Variants in RAB27A observed in about 807,000 individuals in gnomAD.
RAB27A encodes ras-related protein Rab-27A.
In RAB27A, 17 loss-of-function variants were observed where a neutral mutation model predicts 20.8. That is an observed-to-expected ratio of 0.82 (90% confidence interval 0.56 to 1.23). RAB27A has a LOEUF of 1.23. Among genes scored for constraint, RAB27A ranks in the 50% most tolerant of loss-of-function variants. RAB27A has a pLI of 0.00. For missense variants in RAB27A, 277 were observed against 266.7 expected (o/e 1.04, Z -0.27); for synonymous variants, 85 against 92.8 (o/e 0.92, Z 0.48).
At chr15:55,206,340 T>C (rs1023185289) in intron 6 of RAB27A, 1 of 758,494 alleles carries the variant, frequency 1.3e-6, no homozygotes, top group Non-Finnish European at 1.6e-6. Context: ...TAAATCTTTT[T>C]TCGTTTAAGT....
intron 5 of RAB27A, among the ~76,000 whole-genome samples, chr15:55,227,191 T>C (rs982945436): frequency 6.6e-5 from 10 of 152,378 alleles, no homozygotes; most frequent in Middle Eastern, 3.4e-3. Flanking sequence ...TTTTGTTCTT[T>C]ATCCAACTAG....
chr15:55,235,798 A>G (rs1232931440), intron 2 of RAB27A, among the ~76,000 whole-genome samples: 1 of 152,020 alleles, frequency 6.6e-6, no homozygotes, highest in African/African-American at 2.4e-5. Context: ...TTATCTGTAT[A>G]TATATACACA....
chr15:55,296,922 C>T (rs983941719), intron 2 of RAB27A, among the ~76,000 whole-genome samples: 8 of 151,820 alleles, frequency 5.3e-5, no homozygotes, highest in South Asian at 2.1e-4. Context: ...AGGGTTGGGC[C>T]CATATCCCAG....
rs576434402 is a variant in RAB27A at position 55,253,645 on chromosome 15, C to A, written c.-23+16520G>T. Among the ~76,000 whole-genome samples, 7 of 151,990 alleles carry A rather than the reference C, an allele frequency of 4.6e-5. No individual in the cohort carries two copies. In the East Asian group the frequency reaches 1.4e-3, roughly 29 times the overall value. ...ACAAAGCTCCTATTTTCTTAACATG[C>A]CTCTGAGAAAGATATTTGAAGCCTA... On this transcript the variant is annotated intron_variant, in intron 2 of 6. Coordinates refer to ENST00000336787, the MANE Select transcript of RAB27A (RefSeq NM_183235.3).
rs529817118 is a variant in RAB27A at position 55,315,842 on chromosome 15, T to C, written c.-233-1682A>G. 4.6e-5 allele frequency among the ~76,000 whole-genome samples: 7 copies of C among 152,310 alleles called. No homozygotes were observed. In the South Asian group the frequency reaches 1.4e-3, roughly 32 times the overall value. ...TAGTTCAACCATTGTGAAGACAGTGTGGCAATTCCTCAAGGATCTACAACC... is the reference window on the plus strand; with the variant it reads ...TAGTTCAACCATTGTGAAGACAGTGCGGCAATTCCTCAAGGATCTACAACC... On this transcript the variant is annotated intron_variant, in intron 1 of 5. Coordinates refer to the RAB27A transcript ENST00000563262.
chr15:55,299,877 A>G (rs1012377532), intron 2 of RAB27A, among the ~76,000 whole-genome samples: 23 of 150,616 alleles, frequency 1.5e-4, no homozygotes, highest in African/African-American at 4.9e-4. Context: ...CTGGAGTGCA[A>G]TGGCGCGATC....
chr15:55,232,952 C>G (rs1406093322), intron 3 of RAB27A, among the ~76,000 whole-genome samples: 5 of 151,886 alleles, frequency 3.3e-5, no homozygotes, highest in African/African-American at 4.8e-5. Flanking sequence ...GGCAAAACCC[C>G]ATTACTACTA....
At chr15:55,260,161 A>G (rs1387686935) in intron 2 of RAB27A, 1 of 152,264 alleles carries the variant, frequency 6.6e-6, no homozygotes, top group African/African-American at 2.4e-5. Flanking sequence ...AAGATATACA[A>G]ATGGCAAATA....
At chr15:55,235,090 TTACA>T (rs2140990785) in intron 2 of RAB27A, 134 bp from the exon 3 acceptor site, 1 of 718,544 alleles carries the variant, frequency 1.4e-6, no homozygotes. Flanking sequence ...GAAAAGAGAG[TTACA>T]TACATATTGT....
chr15:55,272,289 C>G (rs1278300770), intron 1 of RAB27A, among the ~76,000 whole-genome samples: 4 of 152,170 alleles, frequency 2.6e-5, no homozygotes, highest in Non-Finnish European at 4.4e-5. Context: ...GTCCCAGCTA[C>G]CCGGGAGGCT....
intron 2 of RAB27A, among the ~76,000 whole-genome samples, chr15:55,245,648 T>C (rs1462318081): frequency 2.0e-5 from 3 of 152,240 alleles, no homozygotes; most frequent in Admixed American, 6.5e-5. Flanking sequence ...TTAAGTTCTA[T>C]AGCATTTGGC....
rs199772242 is a variant in RAB27A at position 55,318,033 on chromosome 15, A to G, written c.-234+898T>C. ...TACAGGAAGTGAATTAGGGAAGGGT[A>G]TAAGACAAAACTAAAACCTTTTCTA... On this transcript the variant is annotated intron_variant, in intron 1 of 5. Coordinates refer to the RAB27A transcript ENST00000563262. 6.6e-5 allele frequency among the ~76,000 whole-genome samples: 10 copies of G among 152,322 alleles called. No individual in the cohort carries two copies. In the East Asian group the frequency reaches 1.5e-3, roughly 24 times the overall value.
intron 2 of RAB27A, among the ~76,000 whole-genome samples, chr15:55,263,177 A>G (rs1897337245): frequency 6.6e-6 from 1 of 151,938 alleles, no homozygotes; most frequent in Non-Finnish European, 1.5e-5. Flanking sequence ...TTTCTCTTTC[A>G]AAGTAATTCT....
rs562993270 is a variant in RAB27A, at chr15:55,203,877, G to A, written c.*1630C>T. The A allele has an allele frequency of 6.6e-6, 1 of 152,034 alleles. No homozygotes were observed. Among genetic ancestry groups the A allele is most frequent in the African/African-American group, 2.4e-5 (1 of 41,488 alleles). 9.4% of individuals were successfully genotyped at this position (152,034 alleles called of 1,614,324 possible). ...AACCATGGATAAGTTTGTTATGGGA[G>A]TAGTGGAAGGACAGTGGAAAAAAAA... On this transcript the variant is annotated 3_prime_UTR_variant, in exon 7 of 7. Transcript: ENST00000336787.
rs533087265 is a variant in RAB27A, at chr15:55,250,874, A to G, written c.-22-15918T>C. 1.7e-3 allele frequency among the ~76,000 whole-genome samples: 254 copies of G among 152,308 alleles called. 1 individual carries two copies. The highest frequency in any genetic ancestry group is 5.8e-3 in the African/African-American group (240 of 41,570). Reference sequence around the variant, plus strand: ...GTTGCAAACTTTCTTTAGCAATAAAACTGTTTCTTCAAATAAAATCTTACA... The same window carrying G: ...GTTGCAAACTTTCTTTAGCAATAAAGCTGTTTCTTCAAATAAAATCTTACA... On this transcript the variant is annotated intron_variant, in intron 2 of 6. Transcript: ENST00000336787.
intron 2 of RAB27A, among the ~76,000 whole-genome samples, chr15:55,236,993 G>A (rs756475105): frequency 2.0e-5 from 3 of 151,798 alleles, no homozygotes; most frequent in South Asian, 2.1e-4. Flanking sequence ...ACCTCTCTCC[G>A]TTTCCCCCGC....
chr15:55,230,466 C>T lies in RAB27A; in HGVS notation c.174G>A (p.Pro58=), dbSNP rs910190895. The part of the protein sequence containing the change: ...EKRVVYRASG[P]DGATGRGQRI... Reference sequence around the variant, plus strand: ...TCTGGCCTCTGCCAGTGGCTCCATCCGGCCCACTGGCTCTGTACACCTAAA... The same window carrying T: ...TCTGGCCTCTGCCAGTGGCTCCATCTGGCCCACTGGCTCTGTACACCTAAA... The change falls in exon 4 of 7, where the codon CCG becomes CCA. Residue 58 remains proline, a synonymous_variant. Coordinates refer to ENST00000336787, the MANE Select transcript of RAB27A (RefSeq NM_183235.3). 10 of 1,613,544 alleles carry T rather than the reference C, an allele frequency of 6.2e-6. No homozygotes were observed. The highest frequency in any genetic ancestry group is 1.3e-5 in the African/African-American group (1 of 75,004).
chr15:55,304,832 C>CATAT (rs36001856), intron 2 of RAB27A, among the ~76,000 whole-genome samples: 4,205 of 148,454 alleles, frequency 0.028, 85 homozygotes, highest in Middle Eastern at 0.056. Flanking sequence ...TTAGTGTGAA[C>CATAT]ATATATATAT....
chr15:55,278,778 G>A (rs747326028), intron 1 of RAB27A, among the ~76,000 whole-genome samples: 83 of 152,104 alleles, frequency 5.5e-4, no homozygotes, highest in Non-Finnish European at 1.5e-4. Context: ...CACCGCACCT[G>A]GCCCAGTCTT....
Sources: gnomAD v4.1 joint callset for allele counts (sites outside exome capture counted in the v4.1 genomes callset) on GRCh38, gnomAD v4.1.1 for gene constraint, MANE v1.5 for transcripts, NCBI Gene and HGNC (gene_info 2026-07-23, HGNC 2026-07-21) for gene names.